The following ABCA13 variants were observed in gnomAD, a reference collection of about 807,000 sequenced individuals.
ABCA13 encodes the protein ATP binding cassette subfamily A member 13, also known as ATP-binding cassette sub-family A member 13.
A neutral mutation model predicts 478.7 loss-of-function variants in ABCA13; 476 were observed. The observed-to-expected ratio is 0.99, with a 90% CI of 0.92 to 1.07. The LOEUF (loss-of-function observed/expected upper bound fraction) is 1.07. Ranked by LOEUF, ABCA13 falls within the 50% of genes least tolerant of loss-of-function variation. ABCA13 has a pLI of 0.00. For synonymous variants in ABCA13, 2,252 were observed against 2,158.9 expected, an observed-to-expected ratio of 1.04 and a Z score of -1.20; for missense variants, 6,060 against 5,910.6, an observed-to-expected ratio of 1.03 and a Z score of -0.83.
At chr7:48,601,484 T>A (rs1234135559) in intron 58 of ABCA13, among the ~76,000 whole-genome samples, 1 of 152,226 alleles carries the variant, frequency 6.6e-6, no homozygotes, top group African/African-American at 2.4e-5. Flanking sequence ...TTTGGTTTTC[T>A]GATTTGTGTT....
chr7:48,412,328 CT>C, intron 40 of ABCA13, 24 bp from the exon 41 acceptor site: 1 of 1,572,190 alleles, frequency 6.4e-7, no homozygotes, highest in Middle Eastern at 1.7e-4. Flanking sequence ...TTACTGGCTT[CT>C]TTTTTCCTTT....
intron 58 of ABCA13, among the ~76,000 whole-genome samples, chr7:48,612,856 A>G (rs553261163): frequency 6.8e-6 from 1 of 146,520 alleles, no homozygotes; most frequent in African/African-American, 2.6e-5. Context: ...AATGGCCTTA[A>G]CTTTCTGGGT....
intron 15 of ABCA13, among the ~76,000 whole-genome samples, chr7:48,253,600 C>T (rs1478569100): frequency 2.0e-5 from 3 of 152,310 alleles, no homozygotes; most frequent in Admixed American, 2.0e-4. Context: ...ATTCTCCTGA[C>T]TTTGCCTCCC....
chr7:48,338,181 C>T (rs533281973), intron 28 of ABCA13, among the ~76,000 whole-genome samples, 184 bp from the exon 29 acceptor site: 1 of 152,224 alleles, frequency 6.6e-6, no homozygotes, highest in African/African-American at 2.4e-5. Flanking sequence ...TTTTGTTTTT[C>T]AAGGTAAGCT....
At chr7:48,496,086 C>G (rs1830250542) in intron 48 of ABCA13, among the ~76,000 whole-genome samples, 1 of 152,084 alleles carries the variant, frequency 6.6e-6, no homozygotes, top group Non-Finnish European at 1.5e-5. Context: ...TGTTTGGGAA[C>G]CATTGCATTT....
At chr7:48,326,240 C>T (rs1804312632) in intron 27 of ABCA13, among the ~76,000 whole-genome samples, 1 of 152,202 alleles carries the variant, frequency 6.6e-6, no homozygotes, top group African/African-American at 2.4e-5. Context: ...ACTGTCCCTC[C>T]AGAGCCCTCT....
intron 27 of ABCA13, 115 bp from the exon 28 acceptor site, chr7:48,335,307 G>A: frequency 3.2e-6 from 2 of 634,620 alleles, no homozygotes; most frequent in Non-Finnish European, 5.2e-6. Flanking sequence ...GGCATTAGCT[G>A]GCCTGCAGGC....
chr7:48,404,298 G>T, intron 39 of ABCA13: 1 of 242,354 alleles, frequency 4.1e-6, no homozygotes, highest in Non-Finnish European at 8.4e-6. Flanking sequence ...CCTGAACTGA[G>T]GGTGGATGTT....
chr7:48,352,509 C>T, intron 31 of ABCA13, 22 bp downstream of exon 31: 1 of 1,559,330 alleles, frequency 6.4e-7, no homozygotes, highest in Non-Finnish European at 8.7e-7. Context: ...GGGGCAGGAG[C>T]CACCGACAGT....
chr7:48,485,140 G>T (rs1829163982), intron 47 of ABCA13, among the ~76,000 whole-genome samples: 1 of 152,084 alleles, frequency 6.6e-6, no homozygotes, highest in Non-Finnish European at 1.5e-5. Flanking sequence ...ACACACTTCA[G>T]TTAAAGAAGC....
intron 19 of ABCA13, 84 bp downstream of exon 19, chr7:48,281,536 A>C (rs1027163528): frequency 2.2e-5 from 26 of 1,206,778 alleles, no homozygotes; most frequent in Non-Finnish European, 3.0e-5. Flanking sequence ...AGTATATTGC[A>C]CTTGAGTTTC....
At chr7:48,399,335 T>C (rs1817277476) in intron 38 of ABCA13, among the ~76,000 whole-genome samples, 1 of 152,168 alleles carries the variant, frequency 6.6e-6, no homozygotes, top group African/African-American at 2.4e-5. Flanking sequence ...GCTGGGACAC[T>C]ATTCTGTATG....
chr7:48,521,202 T>A (rs999692572), intron 53 of ABCA13, among the ~76,000 whole-genome samples: 1 of 152,160 alleles, frequency 6.6e-6, no homozygotes, highest in Non-Finnish European at 1.5e-5. Context: ...AATGGTTGGC[T>A]TCCCCCCCAT....
intron 27 of ABCA13, among the ~76,000 whole-genome samples, chr7:48,317,819 A>G (rs1040537067): frequency 1.3e-5 from 2 of 152,200 alleles, no homozygotes; most frequent in African/African-American, 4.8e-5. Flanking sequence ...ATCCAGGAGG[A>G]ATTGAGACAC....
At chr7:48,482,251 C>G (rs115788096) in intron 46 of ABCA13, among the ~76,000 whole-genome samples, 2,624 of 152,152 alleles carry the variant, frequency 0.017, 79 homozygotes, top group African/African-American at 0.06. Context: ...ACTCAAAAGA[C>G]AAGGAACATC....
At chr7:48,597,413 T>C (rs543027969) in intron 58 of ABCA13, among the ~76,000 whole-genome samples, 1 of 152,350 alleles carries the variant, frequency 6.6e-6, no homozygotes, top group South Asian at 2.1e-4. Context: ...ATGAATAATA[T>C]GTTATGAACA....
At position 48,279,897 on chromosome 7, in the gene ABCA13, A is replaced by G; in HGVS notation, c.8703A>G (p.Gln2901=). 1.3e-6 allele frequency: 2 copies of G among 1,524,004 alleles called. No homozygotes were observed. The highest frequency in any genetic ancestry group is 1.8e-6 in the Non-Finnish European group (2 of 1,140,856). The allele number at this position is 1,524,004 out of a possible 1,614,324, so 94.4% of individuals were successfully genotyped here. A position where few individuals can be genotyped will look rare whatever the true frequency, so the allele number is the denominator to read the frequency against. Residue 2901 remains glutamine, a synonymous_variant, in exon 18 of 62, where the codon CAA becomes CAG. Transcript: ENST00000435803. ...TATTTGTATTGACTAAATACTGGCAACAAATCCCACTAACAGATCAAAGGT... is the reference window on the plus strand; with the variant it reads ...TATTTGTATTGACTAAATACTGGCAGCAAATCCCACTAACAGATCAAAGGT... ...GGLFVLTKYW[Q]QIPLTDQSVV...
At position 48,240,728 on chromosome 7, in the gene ABCA13, C is replaced by G. The variant is rs367992178; in HGVS notation, c.1063-139C>G. The G allele has an allele frequency of 5.4e-4, 346 of 638,604 alleles. 3 individuals are homozygous for G. The African/African-American group carries it at 5.9e-3, about 11-fold the overall frequency. 39.6% of individuals were successfully genotyped at this position (638,604 alleles called of 1,614,324 possible). A position where few individuals can be genotyped will look rare whatever the true frequency, so the allele number is the denominator to read the frequency against. On this transcript the variant is annotated intron_variant, in intron 9 of 61. Coordinates refer to ENST00000435803, the MANE Select transcript of ABCA13 (RefSeq NM_152701.5). ...TAGAAATTAAATCATACTGCAATTG[C>G]TAACAGACATTTTAATTTACCAAAA...
At chr7:48,323,497 G>A (rs1379187866) in intron 27 of ABCA13, among the ~76,000 whole-genome samples, 1 of 152,196 alleles carries the variant, frequency 6.6e-6, no homozygotes, top group African/African-American at 2.4e-5. Flanking sequence ...GCAGTGGTGG[G>A]TGCCATCAAG....
Sources: allele counts gnomAD v4.1 joint callset (sites outside exome capture counted in the v4.1 genomes callset), GRCh38; gene constraint gnomAD v4.1.1; transcripts MANE v1.5; gene names NCBI Gene and HGNC (gene_info 2026-07-23, HGNC 2026-07-21).